Variants in FGD6 observed in about 807,000 individuals in gnomAD.
The protein encoded by FGD6 is FYVE, RhoGEF and PH domain-containing protein 6.
A neutral mutation model predicts 149.4 loss-of-function variants in FGD6; 90 were observed. That is an observed-to-expected ratio of 0.60 (90% confidence interval 0.51 to 0.72). FGD6 has a LOEUF of 0.72. Among genes scored for constraint, FGD6 ranks in the 30% least tolerant of loss-of-function variants. The pLI is 0.00. For synonymous variants in FGD6, 527 were observed against 584.0 expected (o/e 0.90, Z 1.41); for missense variants, 1,437 against 1,684.8 (o/e 0.85, Z 2.57).
chr12:95,181,674 T>C (rs1881283629), intron 2 of FGD6, among the ~76,000 whole-genome samples: 1 of 148,692 alleles, frequency 6.7e-6, no homozygotes, highest in East Asian at 2.0e-4. Flanking sequence ...CAAGTTCCAG[T>C]TGGGCACAGT....
intron 3 of FGD6, among the ~76,000 whole-genome samples, chr12:95,170,567 G>A (rs559530398): frequency 6.3e-4 from 96 of 152,220 alleles, no homozygotes; most frequent in African/African-American, 2.2e-3. Flanking sequence ...ACTTGAACCC[G>A]GGAGGCAGAG....
rs397687285 is a variant in FGD6, at chr12:95,122,645, C to CAAAAAAAAAAAA, written c.3083-8956_3083-8945dup. On this transcript the variant is annotated intron_variant, in intron 8 of 20. Transcript: ENST00000343958. ...TGGGCAACAGAGCGAGACTCAGTCT[C>CAAAAAAAAAAAA]AAAAAAAAAAAAAAAAAAAAAAAAG... is the stretch of plus-strand genomic sequence containing the variant. Among the ~76,000 whole-genome samples the CAAAAAAAAAAAA allele has an allele frequency of 3.1e-5, 2 of 64,430 alleles. 1 individual carries two copies. Among genetic ancestry groups the CAAAAAAAAAAAA allele is most frequent in the African/African-American group, 1.3e-4 (2 of 15,784 alleles). The allele number at this position is 64,430 out of a possible 152,430, so 42.3% of individuals were successfully genotyped here.
intron 9 of FGD6, 90 bp from the exon 10 acceptor site, chr12:95,108,651 C>G: frequency 6.2e-6 from 9 of 1,456,928 alleles, no homozygotes; most frequent in Non-Finnish European, 8.6e-6. Context: ...GACAAGATAG[C>G]TAGTTTATAG....
intron 8 of FGD6, among the ~76,000 whole-genome samples, chr12:95,119,506 C>T (rs1213196767): frequency 6.6e-6 from 1 of 152,196 alleles, no homozygotes; most frequent in African/African-American, 2.4e-5. Context: ...TGGCTATTTA[C>T]ATAAGTAGGA....
In FGD6 at chr12:95,077,102, T is replaced by C. The variant is rs957491518; in HGVS notation, c.*4418A>G. 1.3e-5 allele frequency: 2 copies of C among 152,184 alleles called. No individual in the cohort carries two copies. The highest frequency in any genetic ancestry group is 4.8e-5 in the African/African-American group (2 of 41,438). 9.4% of individuals were successfully genotyped at this position (152,184 alleles called of 1,614,324 possible). A position where few individuals can be genotyped will look rare whatever the true frequency, so the allele number is the denominator to read the frequency against. On this transcript the variant is annotated 3_prime_UTR_variant, in exon 21 of 21. Coordinates refer to ENST00000343958, the MANE Select transcript of FGD6 (RefSeq NM_018351.4). The stretch of plus-strand genomic sequence containing the variant: ...CTCTTATAAGGGAAAATATCATAGA[T>C]AAGATTTTCCTTTAGAAAATGACAT...
At chr12:95,096,566 G>A (rs1020979063) in intron 14 of FGD6, among the ~76,000 whole-genome samples, 4 of 152,062 alleles carry the variant, frequency 2.6e-5, no homozygotes, top group Admixed American at 2.0e-4. Flanking sequence ...CAGTTACTAC[G>A]TCAGCCAACT....
chr12:95,121,211 G>A (rs1245138566), intron 8 of FGD6, among the ~76,000 whole-genome samples: 1 of 151,736 alleles, frequency 6.6e-6, no homozygotes, highest in Non-Finnish European at 1.5e-5. Flanking sequence ...AGGCCGAAGC[G>A]GGCAGATCAC....
chr12:95,104,990 A>G lies in FGD6; in HGVS notation c.3497+17T>C. ...GAATGAGAAAAAAAAAAAAAAAAAG[A>G]AGAAGAAAAAATTTACCTGGCTGAG... is the stretch of plus-strand genomic sequence containing the variant. On this transcript the variant is annotated intron_variant, in intron 14 of 20. Transcript: ENST00000343958. 1.3e-6 allele frequency: 2 copies of G among 1,545,576 alleles called. No homozygotes were observed. The highest frequency in any genetic ancestry group is 1.2e-5 in the South Asian group (1 of 80,822).
chr12:95,117,024 A>T, intron 8 of FGD6: 1 of 413,696 alleles, frequency 2.4e-6, no homozygotes, highest in South Asian at 1.8e-5. Flanking sequence ...ACACGCCTAT[A>T]TTGGTCATAG....
chr12:95,128,883 T>C lies in FGD6; in HGVS notation c.3082+5856A>G, dbSNP rs540844002. Among the ~76,000 whole-genome samples the C allele has an allele frequency of 3.3e-5, 5 of 152,300 alleles. No homozygotes were observed. In the South Asian group the frequency reaches 8.3e-4, roughly 25 times the overall value. On this transcript the variant is annotated intron_variant, in intron 8 of 20. Coordinates refer to ENST00000343958, the MANE Select transcript of FGD6 (RefSeq NM_018351.4). The stretch of plus-strand genomic sequence containing the variant: ...GAGACAGCAAGAAACCTACTATAGC[T>C]AGACTAAAGGAAAAGAAGGTTCAGG...
chr12:95,209,583 C>G lies in FGD6; in HGVS notation c.1701G>C (p.Trp567Cys). 1.2e-6 allele frequency: 2 copies of G among 1,614,104 alleles called. No homozygotes were observed. The part of the protein sequence containing the change: ...MPKRASEKPV[W>C]KLPHPILPFS... ...AGGGTAAAATAGGATGAGGTAACTT[C>G]CACACTGGCTTTTCTGAAGCCCGTT... The change falls in exon 2 of 21, where the codon TGG becomes TGC. Residue 567 changes from tryptophan (W) to cysteine (C), a missense_variant. Around this residue, in one of 2 missense-constraint regions of FGD6, gnomAD observed 1,055 missense variants for 1,146.0 expected, o/e 0.92. Coordinates refer to ENST00000343958, the MANE Select transcript of FGD6 (RefSeq NM_018351.4).
intron 2 of FGD6, among the ~76,000 whole-genome samples, chr12:95,204,309 T>A (rs527690245): frequency 2.1e-4 from 32 of 152,280 alleles, no homozygotes; most frequent in Non-Finnish European, 4.4e-4. Context: ...TCAGTGCCAC[T>A]CCTTACACCC....
chr12:95,159,716 C>T (rs1024820366), intron 3 of FGD6, among the ~76,000 whole-genome samples: 4 of 152,148 alleles, frequency 2.6e-5, no homozygotes, highest in Non-Finnish European at 5.9e-5. Flanking sequence ...CACATGTAGT[C>T]CCAGCTACTC....
chr12:95,123,724 G>A (rs561052562), intron 8 of FGD6, among the ~76,000 whole-genome samples: 40 of 151,946 alleles, frequency 2.6e-4, no homozygotes, highest in African/African-American at 9.7e-4. Flanking sequence ...ACCACACCCA[G>A]CTAATTTTTT....
intron 5 of FGD6, among the ~76,000 whole-genome samples, chr12:95,152,117 T>A (rs1475910235): frequency 6.6e-6 from 1 of 152,050 alleles, no homozygotes; most frequent in Non-Finnish European, 1.5e-5. Flanking sequence ...CTTGAGCCCA[T>A]GAGTTTGAGA....
At position 95,148,533 on chromosome 12, in the gene FGD6, A is replaced by ATATATAGCATATATTATATTATATAT. The variant is rs1565908100; in HGVS notation, c.2685+4252_2685+4277dup. Among the ~76,000 whole-genome samples the ATATATAGCATATATTATATTATATAT allele has an allele frequency of 3.9e-4, 46 of 117,688 alleles. 1 individual carries two copies. The highest frequency in any genetic ancestry group is 1.4e-3 in the African/African-American group (45 of 32,182). The allele number at this position is 117,688 out of a possible 152,430, so 77.2% of individuals were successfully genotyped here. On this transcript the variant is annotated intron_variant, in intron 5 of 20. Transcript: ENST00000343958. ...CATATATTATATTATATATTATATA[A>ATATATAGCATATATTATATTATATAT]TATATAGCATATATTATATTATATA...
At chr12:95,139,301 G>A (rs772677322) in intron 6 of FGD6, among the ~76,000 whole-genome samples, 6 of 151,976 alleles carry the variant, frequency 3.9e-5, no homozygotes, top group Non-Finnish European at 7.4e-5. Flanking sequence ...TTAGCCAGGC[G>A]TGGTGGGGCA....
chr12:95,145,145 A>G (rs1879974776), intron 5 of FGD6, among the ~76,000 whole-genome samples: 1 of 151,120 alleles, frequency 6.6e-6, no homozygotes, highest in South Asian at 2.1e-4. Context: ...GTGCCACCAC[A>G]TTTGGCTAAC....
intron 8 of FGD6, among the ~76,000 whole-genome samples, chr12:95,118,991 A>T (rs1311595257): frequency 6.6e-6 from 1 of 152,188 alleles, no homozygotes; most frequent in Non-Finnish European, 1.5e-5. Flanking sequence ...TAGAAGACAG[A>T]AATTCCTGGG....
Sources: allele counts gnomAD v4.1 joint callset (sites outside exome capture counted in the v4.1 genomes callset), GRCh38; gene constraint gnomAD v4.1.1; regional missense constraint gnomAD v4.1.1; transcripts MANE v1.5; gene names NCBI Gene and HGNC (gene_info 2026-07-23, HGNC 2026-07-21).